Variants in PDE4D observed in about 807,000 individuals in gnomAD.
PDE4D encodes phosphodiesterase 4D.
Under a neutral mutation model 87.4 loss-of-function variants are expected in PDE4D, and 24 were observed. The observed-to-expected ratio is 0.27, with a 90% confidence interval of 0.20 to 0.39. The LOEUF (loss-of-function observed/expected upper bound fraction) is 0.39. Among genes scored for constraint, PDE4D ranks in the 10% least tolerant of loss-of-function variants. The pLI is 1.00. For missense variants in PDE4D, 714 were observed against 1,041.0 expected (o/e 0.69, Z 4.32); for synonymous variants, 384 against 383.2 (o/e 1.00, Z -0.02).
intron 1 of PDE4D, among the ~76,000 whole-genome samples, chr5:59,718,902 T>A (rs1399049578): frequency 1.3e-5 from 2 of 150,642 alleles, no homozygotes; most frequent in Non-Finnish European, 2.9e-5. Context: ...GGGAATAAAT[T>A]TTTTTTGAAA....
At chr5:60,438,577 G>T (rs2150128274) in intron 1 of PDE4D, among the ~76,000 whole-genome samples, 1 of 152,126 alleles carries the variant, frequency 6.6e-6, no homozygotes, top group South Asian at 2.1e-4. Flanking sequence ...CAGAAGAGAG[G>T]CCATTACCTG....
intron 1 of PDE4D, among the ~76,000 whole-genome samples, chr5:59,837,279 C>A (rs919705620): frequency 6.6e-6 from 1 of 152,046 alleles, no homozygotes; most frequent in African/African-American, 2.4e-5. Flanking sequence ...AATTCTACCC[C>A]CTGTCCAGTG....
intron 3 of PDE4D, among the ~76,000 whole-genome samples, chr5:59,902,554 G>T (rs918455993): frequency 6.6e-6 from 1 of 152,124 alleles, no homozygotes; most frequent in Non-Finnish European, 1.5e-5. Context: ...CTGAGAGAAG[G>T]AAGGAGCCCA....
chr5:60,051,307 C>T (rs1288955570), intron 2 of PDE4D, among the ~76,000 whole-genome samples: 1 of 152,116 alleles, frequency 6.6e-6, no homozygotes, highest in Non-Finnish European at 1.5e-5. Flanking sequence ...CACTCCTCAG[C>T]AAATGCAAAA....
chr5:59,678,306 G>A (rs1394514379), intron 1 of PDE4D, among the ~76,000 whole-genome samples: 1 of 151,960 alleles, frequency 6.6e-6, no homozygotes, highest in Non-Finnish European at 1.5e-5. Context: ...AGGAGATAAA[G>A]AATATTTATA....
At chr5:59,485,462 G>T (rs1347993641) in intron 1 of PDE4D, among the ~76,000 whole-genome samples, 1 of 152,030 alleles carries the variant, frequency 6.6e-6, no homozygotes, top group African/African-American at 2.4e-5. Context: ...AGTCTGGATT[G>T]AATTTTGTTT....
chr5:59,370,618 C>T (rs891305240), intron 1 of PDE4D, among the ~76,000 whole-genome samples: 1 of 152,118 alleles, frequency 6.6e-6, no homozygotes, highest in Non-Finnish European at 1.5e-5. Flanking sequence ...CTAACCATCA[C>T]GACACACATT....
intron 4 of PDE4D, among the ~76,000 whole-genome samples, chr5:59,184,558 T>TG (rs1313745894): frequency 1.6e-4 from 20 of 128,692 alleles, no homozygotes; most frequent in Admixed American, 7.1e-4. Flanking sequence ...ATAGCAGATT[T>TG]TTTTTAAAAA....
intron 1 of PDE4D, among the ~76,000 whole-genome samples, chr5:60,353,702 G>A (rs921300646): frequency 6.6e-6 from 1 of 152,176 alleles, no homozygotes; most frequent in African/African-American, 2.4e-5. Context: ...AAATTGGAAT[G>A]GATGTTGAGA....
At chr5:60,214,254 CG>C (rs1181576414) in intron 1 of PDE4D, among the ~76,000 whole-genome samples, 1 of 152,180 alleles carries the variant, frequency 6.6e-6, no homozygotes, top group Non-Finnish European at 1.5e-5. Context: ...GAAACGTCAA[CG>C]GTGTCCTGAA....
At chr5:59,928,060 C>CCT (rs530982712) in intron 3 of PDE4D, among the ~76,000 whole-genome samples, 13 of 152,136 alleles carry the variant, frequency 8.5e-5, no homozygotes, top group Non-Finnish European at 1.9e-4. Flanking sequence ...GTGAGCAGTG[C>CCT]ATAGTGAATG....
At chr5:60,460,809 G>A (rs1177286246) in intron 1 of PDE4D, 3 of 533,862 alleles carry the variant, frequency 5.6e-6, no homozygotes, top group Non-Finnish European at 1.0e-5. Flanking sequence ...GAACACTCTG[G>A]TATAAGATTT....
chr5:59,465,723 T>C (rs937401160), intron 1 of PDE4D, among the ~76,000 whole-genome samples: 4 of 152,328 alleles, frequency 2.6e-5, no homozygotes, highest in African/African-American at 9.6e-5. Context: ...CTGTGATAGA[T>C]GGATTATCTA....
chr5:59,980,468 G>C (rs188896902), intron 3 of PDE4D, among the ~76,000 whole-genome samples: 11 of 152,324 alleles, frequency 7.2e-5, no homozygotes, highest in Admixed American at 6.5e-4. Context: ...GCACAAGAAA[G>C]TTTTGAAAAT....
intron 3 of PDE4D, among the ~76,000 whole-genome samples, chr5:59,968,464 C>T (rs1343489759): frequency 6.6e-6 from 1 of 152,048 alleles, no homozygotes; most frequent in Non-Finnish European, 1.5e-5. Context: ...AAAAAATTAC[C>T]TATCTTGTAC....
intron 2 of PDE4D, among the ~76,000 whole-genome samples, chr5:60,138,874 A>G (rs772436497): frequency 3.6e-4 from 55 of 152,136 alleles, no homozygotes; most frequent in Non-Finnish European, 6.0e-4. Flanking sequence ...CACATTGTTT[A>G]TAATCAATGA....
At chr5:59,783,091 T>G (rs536179786) in intron 1 of PDE4D, among the ~76,000 whole-genome samples, 1 of 152,220 alleles carries the variant, frequency 6.6e-6, no homozygotes, top group Non-Finnish European at 1.5e-5. Context: ...AAACAATGTC[T>G]GAACACATCA....
intron 1 of PDE4D, among the ~76,000 whole-genome samples, chr5:59,836,621 T>TCTATCTAA (rs1209815394): frequency 2.2e-5 from 3 of 137,840 alleles, no homozygotes; most frequent in Non-Finnish European, 3.2e-5. Context: ...CCAAGATGTA[T>TCTATCTAA]CTATCTATCT....
chr5:59,019,897 A>T (rs1478121821), intron 6 of PDE4D, among the ~76,000 whole-genome samples: 3 of 146,972 alleles, frequency 2.0e-5, no homozygotes, highest in African/African-American at 4.9e-5. Flanking sequence ...CTATCTATCT[A>T]TCTATCTATC....
Sources: allele counts gnomAD v4.1 joint callset (sites outside exome capture counted in the v4.1 genomes callset), GRCh38; gene constraint gnomAD v4.1.1; transcripts MANE v1.5; gene names NCBI Gene and HGNC (gene_info 2026-07-23, HGNC 2026-07-21).